HS3ST4: variants seen among roughly 807,000 people sequenced by gnomAD.
The protein encoded by HS3ST4 is heparan sulfate-glucosamine 3-sulfotransferase 4.
A neutral mutation model predicts 29.2 loss-of-function variants in HS3ST4; 17 were observed. That is an observed-to-expected ratio of 0.58 (90% CI 0.40 to 0.87). HS3ST4 has a LOEUF of 0.87. Ranked by LOEUF, HS3ST4 falls within the 40% of genes least tolerant of loss-of-function variation. The pLI, the probability that HS3ST4 is intolerant of heterozygous loss-of-function variation, is 0.00. For missense variants in HS3ST4, 627 were observed against 634.5 expected, an observed-to-expected ratio of 0.99 and a Z score of 0.13; for synonymous variants, 314 against 285.7, an observed-to-expected ratio of 1.10 and a Z score of -1.00.
chr16:25,806,679 G>A (rs1966994196), intron 1 of HS3ST4, among the ~76,000 whole-genome samples: 1 of 152,044 alleles, frequency 6.6e-6, no homozygotes, highest in South Asian at 2.1e-4. Flanking sequence ...TGGAGAGATA[G>A]CATACATTCC....
intron 1 of HS3ST4, among the ~76,000 whole-genome samples, chr16:25,934,363 C>T (rs1410900922): frequency 6.6e-6 from 1 of 152,188 alleles, no homozygotes; most frequent in African/African-American, 2.4e-5. Flanking sequence ...CAACATGAGA[C>T]AGAAGTGGCC....
intron 1 of HS3ST4, among the ~76,000 whole-genome samples, chr16:26,052,261 G>T (rs189521016): frequency 7.9e-5 from 12 of 152,166 alleles, no homozygotes; most frequent in Admixed American, 5.2e-4. Flanking sequence ...TTTCTACTCG[G>T]CTGTCTACCC....
At chr16:26,084,599 A>G (rs868824728) in intron 1 of HS3ST4, among the ~76,000 whole-genome samples, 13 of 152,220 alleles carry the variant, frequency 8.5e-5, no homozygotes, top group South Asian at 4.1e-4. Flanking sequence ...TGCCAATCAA[A>G]TGGTTGAAAA....
At chr16:26,112,908 G>T (rs1273914461) in intron 1 of HS3ST4, among the ~76,000 whole-genome samples, 2 of 57,772 alleles carry the variant, frequency 3.5e-5, no homozygotes, top group African/African-American at 5.5e-5. Flanking sequence ...AAACAAAGTG[G>T]CATTAGCTTT....
intron 1 of HS3ST4, among the ~76,000 whole-genome samples, chr16:26,002,907 G>GA (rs562510273): frequency 2.7e-5 from 4 of 148,686 alleles, no homozygotes; most frequent in African/African-American, 9.8e-5. Flanking sequence ...AGTTTCAAGA[G>GA]AAAAAAACTT....
intron 1 of HS3ST4, among the ~76,000 whole-genome samples, chr16:26,118,129 G>A (rs1160109744): frequency 6.6e-6 from 1 of 152,144 alleles, no homozygotes; most frequent in Non-Finnish European, 1.5e-5. Context: ...GCAGTGGTGT[G>A]ATCATGGGTC....
intron 1 of HS3ST4, among the ~76,000 whole-genome samples, chr16:26,131,287 A>T (rs1899415551): frequency 6.6e-6 from 1 of 152,212 alleles, no homozygotes. Flanking sequence ...GAAAAATAAA[A>T]TTAAGTGTAA....
chr16:26,054,763 AG>A, intron 1 of HS3ST4, among the ~76,000 whole-genome samples: 1 of 152,122 alleles, frequency 6.6e-6, no homozygotes, highest in East Asian at 1.9e-4. Context: ...AGTCAGGAGC[AG>A]GGGGCACAGA....
chr16:25,794,896 T>TACAC (rs59740575), intron 1 of HS3ST4, among the ~76,000 whole-genome samples: 14,731 of 135,712 alleles, frequency 0.11, 830 homozygotes, highest in Middle Eastern at 0.17. Flanking sequence ...TACTCAAGAA[T>TACAC]ACACACACAC....
chr16:25,944,545 T>C (rs1287673306), intron 1 of HS3ST4, among the ~76,000 whole-genome samples: 1 of 152,216 alleles, frequency 6.6e-6, no homozygotes, highest in Non-Finnish European at 1.5e-5. Flanking sequence ...GTTAAGGACA[T>C]TTACATTGAT....
At chr16:26,105,294 T>A (rs1031678973) in intron 1 of HS3ST4, among the ~76,000 whole-genome samples, 7 of 152,100 alleles carry the variant, frequency 4.6e-5, no homozygotes, top group Non-Finnish European at 8.8e-5. Context: ...GAGCTAAGCA[T>A]TGAGTAAACG....
At chr16:26,124,031 C>T (rs375550928) in intron 1 of HS3ST4, among the ~76,000 whole-genome samples, 1 of 152,250 alleles carries the variant, frequency 6.6e-6, no homozygotes, top group East Asian at 1.9e-4. Flanking sequence ...AGCGATTCTC[C>T]TGCCTCAGCC....
intron 1 of HS3ST4, among the ~76,000 whole-genome samples, chr16:25,871,948 C>G (rs149291725): frequency 1.1e-4 from 15 of 130,864 alleles, no homozygotes; most frequent in African/African-American, 3.8e-4. Context: ...CTTTGAGGGG[C>G]TCAAAGTGTA....
At chr16:25,710,412 A>G (rs1346224391) in intron 1 of HS3ST4, among the ~76,000 whole-genome samples, 1 of 152,164 alleles carries the variant, frequency 6.6e-6, no homozygotes, top group African/African-American at 2.4e-5. Flanking sequence ...GTCCCGGTCA[A>G]TTTCCTATGG....
At chr16:25,715,328 C>CA (rs10573861) in intron 1 of HS3ST4, among the ~76,000 whole-genome samples, 7 of 87,814 alleles carry the variant, frequency 8.0e-5, no homozygotes, top group African/African-American at 3.0e-4. Context: ...GACTCCGTCT[C>CA]AAAAAAAAAA....
At chr16:26,088,363 T>G (rs1331229641) in intron 1 of HS3ST4, among the ~76,000 whole-genome samples, 2 of 152,250 alleles carry the variant, frequency 1.3e-5, no homozygotes, top group African/African-American at 4.8e-5. Flanking sequence ...AATGTATGTT[T>G]AATTGTGGTG....
At chr16:25,717,818 C>A (rs1223175482) in intron 1 of HS3ST4, among the ~76,000 whole-genome samples, 2 of 152,052 alleles carry the variant, frequency 1.3e-5, no homozygotes, top group African/African-American at 4.8e-5. Flanking sequence ...TTGAAATGAT[C>A]ATCCTAATTG....
intron 1 of HS3ST4, among the ~76,000 whole-genome samples, chr16:25,851,388 G>A (rs1427720058): frequency 2.6e-5 from 4 of 152,228 alleles, no homozygotes; most frequent in Non-Finnish European, 4.4e-5. Flanking sequence ...ATTACAGAGC[G>A]GGCTCTTTGA....
chr16:25,941,850 A>G (rs12447284), intron 1 of HS3ST4, among the ~76,000 whole-genome samples: 1 of 152,230 alleles, frequency 6.6e-6, no homozygotes, highest in Non-Finnish European at 1.5e-5. Context: ...TACTGGAATT[A>G]CAGGTGTGAG....
Sources: gnomAD v4.1 joint callset for allele counts (sites outside exome capture counted in the v4.1 genomes callset) on GRCh38, gnomAD v4.1.1 for gene constraint, MANE v1.5 for transcripts, NCBI Gene and HGNC (gene_info 2026-07-23, HGNC 2026-07-21) for gene names.